Variants in STXBP5 observed in about 807,000 individuals in gnomAD.
STXBP5 encodes the protein syntaxin-binding protein 5.
In STXBP5, 50 loss-of-function variants were observed where a neutral mutation model predicts 152.4. That is an observed-to-expected ratio of 0.33 (90% CI 0.26 to 0.42). The LOEUF is 0.42. STXBP5 is among the 10% of genes least tolerant of loss of function. The pLI, the probability that STXBP5 is intolerant of heterozygous loss-of-function variation, is 1.00. For missense variants in STXBP5, 1,167 were observed against 1,388.6 expected (o/e 0.84, Z 2.54); for synonymous variants, 492 against 494.7 (o/e 0.99, Z 0.07).
At chr6:147,342,006 A>G (rs1784115636) in intron 21 of STXBP5, among the ~76,000 whole-genome samples, 1 of 152,136 alleles carries the variant, frequency 6.6e-6, no homozygotes, top group South Asian at 2.1e-4. Context: ...TGAGAGCAGG[A>G]TTTACACCCA....
At chr6:147,261,248 A>G (rs921918451) in intron 5 of STXBP5, among the ~76,000 whole-genome samples, 2 of 152,018 alleles carry the variant, frequency 1.3e-5, no homozygotes, top group Non-Finnish European at 2.9e-5. Context: ...ATAAATTTTT[A>G]CTTTTTGATA....
At chr6:147,260,029 G>A (rs542717646) in intron 4 of STXBP5, among the ~76,000 whole-genome samples, 1 of 152,170 alleles carries the variant, frequency 6.6e-6, no homozygotes, top group Admixed American at 6.5e-5. Flanking sequence ...ACTGAGTACA[G>A]GTGATCTCAG....
intron 27 of STXBP5, among the ~76,000 whole-genome samples, chr6:147,383,941 TGTG>T (rs552433518): frequency 3.9e-4 from 60 of 152,166 alleles, no homozygotes; most frequent in African/African-American, 1.4e-3. Flanking sequence ...GATACAGGCT[TGTG>T]GTGGTCAATC....
chr6:147,353,801 G>A (rs2128408458), intron 22 of STXBP5, among the ~76,000 whole-genome samples: 1 of 152,134 alleles, frequency 6.6e-6, no homozygotes, highest in South Asian at 2.1e-4. Flanking sequence ...ATCATAGCAA[G>A]AATCATCGTT....
intron 3 of STXBP5, among the ~76,000 whole-genome samples, chr6:147,236,497 T>A (rs1027004929): frequency 1.1e-4 from 16 of 152,174 alleles, no homozygotes; most frequent in African/African-American, 3.9e-4. Context: ...TATATAACAA[T>A]AGTATGATAG....
At chr6:147,223,030 T>C (rs942891130) in intron 2 of STXBP5, among the ~76,000 whole-genome samples, 1 of 152,258 alleles carries the variant, frequency 6.6e-6, no homozygotes, top group Non-Finnish European at 1.5e-5. Context: ...GTTTTTCTTG[T>C]GTCTCACTTC....
At chr6:147,259,842 C>T (rs1368097151) in intron 4 of STXBP5, among the ~76,000 whole-genome samples, 10 of 151,420 alleles carry the variant, frequency 6.6e-5, no homozygotes, top group African/African-American at 1.2e-4. Flanking sequence ...CAGGACAAGA[C>T]GGTATTCATT....
chr6:147,331,194 A>G (rs1214184891), intron 18 of STXBP5, among the ~76,000 whole-genome samples: 2 of 152,236 alleles, frequency 1.3e-5, no homozygotes, highest in East Asian at 3.8e-4. Flanking sequence ...TTGAAAGAGA[A>G]GATATGCTTA....
At chr6:147,298,897 A>G (rs1260425302) in intron 9 of STXBP5, among the ~76,000 whole-genome samples, 1 of 152,018 alleles carries the variant, frequency 6.6e-6, no homozygotes, top group East Asian at 1.9e-4. Context: ...CAAATAGACA[A>G]CCTAACATTG....
Position 147,262,290 on chromosome 6 carries a change from G to T in STXBP5, c.567G>T (p.Leu189=). Residue 189 remains leucine (L), a splice_region_variant and synonymous_variant, in exon 6 of 28, where the codon CTG becomes CTT. Coordinates refer to ENST00000321680, the MANE Select transcript of STXBP5 (RefSeq NM_001127715.4). ...YVIMWNKAIE[L]SSKSHPGPVV... is the part of the protein sequence containing the mutation. ...ATCTTACTAACTTTTTCTTTTTTAG[G>T]TCATCTAAATCTCACCCAGGACCTG... 2.0e-6 allele frequency: 3 copies of T among 1,538,260 alleles called. No individual in the cohort carries two copies. The highest frequency in any genetic ancestry group is 4.3e-5 in the Admixed American group (2 of 46,488).
chr6:147,224,534 G>A (rs1219570680), intron 2 of STXBP5, among the ~76,000 whole-genome samples: 1 of 152,202 alleles, frequency 6.6e-6, no homozygotes, highest in African/African-American at 2.4e-5. Context: ...GAATGCAAAT[G>A]ACGTTTCACA....
intron 16 of STXBP5, among the ~76,000 whole-genome samples, chr6:147,318,421 A>G (rs1173555752): frequency 7.9e-5 from 12 of 152,214 alleles, no homozygotes; most frequent in African/African-American, 2.7e-4. Context: ...TAAAACCAGC[A>G]AACCAAAATG....
Position 147,316,419 on chromosome 6 carries a change from A to C in STXBP5, c.1802+12A>C, listed in dbSNP as rs746944486. ...GTACCTTGTTTAAAGTAAGTTATAA[A>C]AAACTACAGAGGAGTTTTGGATATT... On this transcript the variant is annotated intron_variant, in intron 16 of 27. Transcript: ENST00000321680. The C allele has an allele frequency of 1.7e-5, 25 of 1,492,986 alleles. No homozygotes were observed. The highest frequency in any genetic ancestry group is 2.0e-5 in the Non-Finnish European group (22 of 1,123,342). The allele number at this position is 1,492,986 out of a possible 1,614,324, so 92.5% of individuals were successfully genotyped here.
intron 22 of STXBP5, among the ~76,000 whole-genome samples, chr6:147,353,911 C>G (rs947437044): frequency 2.0e-5 from 3 of 152,120 alleles, no homozygotes; most frequent in Admixed American, 2.0e-4. Context: ...TTCACACATT[C>G]ATTTTGCTTT....
intron 21 of STXBP5, among the ~76,000 whole-genome samples, chr6:147,352,303 G>T (rs1784622699): frequency 6.6e-6 from 1 of 152,200 alleles, no homozygotes; most frequent in South Asian, 2.1e-4. Context: ...ACTTAAATTT[G>T]ATTAGATATA....
intron 11 of STXBP5, 22 bp downstream of exon 11, chr6:147,311,549 G>GTGAT: frequency 6.3e-7 from 1 of 1,578,086 alleles, no homozygotes; most frequent in Non-Finnish European, 8.7e-7. Context: ...AATTTGGTGA[G>GTGAT]TGATTCTATC....
At chr6:147,213,263 TTTTC>T (rs1210867145) in intron 2 of STXBP5, among the ~76,000 whole-genome samples, 7 of 151,452 alleles carry the variant, frequency 4.6e-5, no homozygotes, top group Non-Finnish European at 8.8e-5. Context: ...AAGAAGAATT[TTTTC>T]TTTCTTTTTT....
At position 147,383,012 on chromosome 6, in the gene STXBP5, A is replaced by G; in HGVS notation, c.3414+14A>G. 1.2e-6 allele frequency: 2 copies of G among 1,612,428 alleles called. No individual in the cohort carries two copies. Among genetic ancestry groups the G allele is most frequent in the South Asian group, 2.2e-5 (2 of 91,034 alleles). ...CATGCTCATGAGGTACGACTCTCAA[A>G]CAGATATTTGAACAAAAAGCTCTAG... On this transcript the variant is annotated intron_variant, in intron 27 of 27. Transcript: ENST00000321680.
chr6:147,289,191 A>G (rs1375628636), intron 8 of STXBP5, among the ~76,000 whole-genome samples: 1 of 152,146 alleles, frequency 6.6e-6, no homozygotes, highest in Non-Finnish European at 1.5e-5. Flanking sequence ...GCAGTGTGAT[A>G]ATTGTCAAAC....
Sources: gnomAD v4.1 joint callset for allele counts (sites outside exome capture counted in the v4.1 genomes callset) on GRCh38, gnomAD v4.1.1 for gene constraint, MANE v1.5 for transcripts, NCBI Gene and HGNC (gene_info 2026-07-23, HGNC 2026-07-21) for gene names.